The following KLF12 variants were observed in gnomAD, a reference collection of about 807,000 sequenced individuals.
KLF12 encodes the protein Krueppel-like factor 12.
KLF12 carries 9 observed loss-of-function variants against 37.8 expected under a neutral mutation model. The observed-to-expected ratio is 0.24, with a 90% CI of 0.14 to 0.42. The LOEUF (loss-of-function observed/expected upper bound fraction) is 0.42, where lower values mean the gene tolerates loss of function less well. KLF12 is among the 10% of genes least tolerant of loss of function. The pLI is 1.00. For synonymous variants in KLF12, 208 were observed against 202.1 expected, an observed-to-expected ratio of 1.03 and a Z score of -0.25; for missense variants, 411 against 516.0, an observed-to-expected ratio of 0.80 and a Z score of 1.97.
At chr13:73,910,807 G>T (rs1274339777) in intron 3 of KLF12, among the ~76,000 whole-genome samples, 2 of 152,122 alleles carry the variant, frequency 1.3e-5, no homozygotes, top group African/African-American at 4.8e-5. Context: ...GAAGTGGAAT[G>T]GGTTAATCCA....
intron 1 of KLF12, among the ~76,000 whole-genome samples, chr13:74,021,439 T>C (rs144034434): frequency 2.3e-4 from 35 of 152,258 alleles, no homozygotes; most frequent in African/African-American, 8.2e-4. Context: ...AAATAGGACA[T>C]GATGTTCGTT....
At chr13:74,263,600 C>G in the KLF12 span, among the ~76,000 whole-genome samples, 439 of 152,246 alleles carry the variant, frequency 2.9e-3, 4 homozygotes, top group Middle Eastern at 0.024. Flanking sequence ...TCAGAGCAAG[C>G]TAATGGGAGT....
At chr13:74,020,616 C>A (rs544796712) in intron 1 of KLF12, among the ~76,000 whole-genome samples, 1 of 152,046 alleles carries the variant, frequency 6.6e-6, no homozygotes, top group Non-Finnish European at 1.5e-5. Context: ...GAAGGCTGGG[C>A]GCAGTGGCTC....
the KLF12 span, among the ~76,000 whole-genome samples, chr13:74,196,214 C>G: frequency 1.3e-5 from 2 of 152,100 alleles, no homozygotes; most frequent in East Asian, 3.9e-4. Context: ...TGTTTTTTCT[C>G]TAACTTCACT....
chr13:74,237,606 C>T, the KLF12 span, among the ~76,000 whole-genome samples: 12 of 150,360 alleles, frequency 8.0e-5, no homozygotes, highest in South Asian at 8.4e-4. Context: ...TTTGTATCCT[C>T]GTTTATTTCC....
intron 1 of KLF12, among the ~76,000 whole-genome samples, chr13:74,064,204 C>T (rs72628052): frequency 6.6e-6 from 1 of 152,138 alleles, no homozygotes; most frequent in African/African-American, 2.4e-5. Flanking sequence ...AAAACCACCC[C>T]TCTCCATCAC....
intron 5 of KLF12, among the ~76,000 whole-genome samples, chr13:73,811,929 T>C (rs1420710997): frequency 2.0e-5 from 3 of 152,208 alleles, no homozygotes; most frequent in African/African-American, 7.2e-5. Context: ...GGCTCTCTTT[T>C]CTTTGTTTTT....
At chr13:74,083,506 A>T (rs1875062357) in intron 1 of KLF12, among the ~76,000 whole-genome samples, 1 of 148,406 alleles carries the variant, frequency 6.7e-6, no homozygotes. Flanking sequence ...ACACACACAC[A>T]CACACACACA....
At chr13:74,153,391 A>G in the KLF12 span, among the ~76,000 whole-genome samples, 1 of 152,214 alleles carries the variant, frequency 6.6e-6, no homozygotes, top group South Asian at 2.1e-4. Flanking sequence ...GGGATGAGTC[A>G]TCTGGTCCAG....
intron 1 of KLF12, among the ~76,000 whole-genome samples, chr13:74,066,184 C>A (rs1323896165): frequency 6.6e-6 from 1 of 152,136 alleles, no homozygotes; most frequent in Non-Finnish European, 1.5e-5. Flanking sequence ...TGGAACCCAA[C>A]ATCTGTGGGT....
At chr13:73,998,931 G>A (rs1481304000) in intron 1 of KLF12, among the ~76,000 whole-genome samples, 3 of 152,178 alleles carry the variant, frequency 2.0e-5, no homozygotes, top group Non-Finnish European at 4.4e-5. Flanking sequence ...TTGTTGCTAG[G>A]TGACAGGTGA....
chr13:73,848,114 C>G (rs999287028), intron 3 of KLF12, among the ~76,000 whole-genome samples: 1 of 152,086 alleles, frequency 6.6e-6, no homozygotes, highest in African/African-American at 2.4e-5. Context: ...AGTTTTTCTC[C>G]TTTTACCGTA....
the KLF12 span, among the ~76,000 whole-genome samples, chr13:74,295,978 C>G: frequency 6.6e-6 from 1 of 151,438 alleles, no homozygotes; most frequent in Non-Finnish European, 1.5e-5. Context: ...CCTGACCAAC[C>G]AAATTTTTTT....
At position 73,690,035 on chromosome 13, in the gene KLF12, A is replaced by G. The variant is rs1448003020; in HGVS notation, c.*5455T>C. ...ATCAAATTAAGAAATGTTAATGTAAACAAGATTAGGTATATTTGAAAGCTA... is the reference window on the plus strand; with the variant it reads ...ATCAAATTAAGAAATGTTAATGTAAGCAAGATTAGGTATATTTGAAAGCTA... On this transcript the variant is annotated 3_prime_UTR_variant, in exon 8 of 8. Transcript: ENST00000377669. The G allele has an allele frequency of 1.3e-5, 2 of 152,548 alleles. No homozygotes were observed. Among genetic ancestry groups the G allele is most frequent in the Non-Finnish European group, 2.9e-5 (2 of 68,018 alleles). 9.4% of individuals were successfully genotyped at this position (152,548 alleles called of 1,614,324 possible).
At chr13:74,203,843 A>G in the KLF12 span, among the ~76,000 whole-genome samples, 1 of 152,118 alleles carries the variant, frequency 6.6e-6, no homozygotes, top group African/African-American at 2.4e-5. Context: ...CAGTTTGCCA[A>G]TTTGTAAGAC....
chr13:73,967,098 G>C (rs1891189870), intron 2 of KLF12, among the ~76,000 whole-genome samples: 1 of 152,094 alleles, frequency 6.6e-6, no homozygotes, highest in Non-Finnish European at 1.5e-5. Context: ...ACCTTCCTAT[G>C]AATGCAAATG....
chr13:73,719,447 A>C (rs1389080781), intron 6 of KLF12, among the ~76,000 whole-genome samples: 1 of 152,122 alleles, frequency 6.6e-6, no homozygotes, highest in African/African-American at 2.4e-5. Flanking sequence ...AGTTTGCTAA[A>C]TAGAATAAAT....
intron 1 of KLF12, among the ~76,000 whole-genome samples, chr13:74,029,592 G>C (rs968069470): frequency 6.6e-6 from 1 of 151,964 alleles, no homozygotes; most frequent in Non-Finnish European, 1.5e-5. Context: ...AAGTATTTAG[G>C]AACCCTATTA....
At chr13:73,700,006 C>T (rs1187865380) in intron 7 of KLF12, among the ~76,000 whole-genome samples, 1 of 152,084 alleles carries the variant, frequency 6.6e-6, no homozygotes, top group Non-Finnish European at 1.5e-5. Flanking sequence ...TGGTTCATGG[C>T]AGTAATCCCA....
Sources: gnomAD v4.1 joint callset for allele counts (sites outside exome capture counted in the v4.1 genomes callset) on GRCh38, gnomAD v4.1.1 for gene constraint, MANE v1.5 for transcripts, NCBI Gene and HGNC (gene_info 2026-07-23, HGNC 2026-07-21) for gene names.